IGSF21: variants seen among roughly 807,000 people sequenced by gnomAD.
The protein encoded by IGSF21 is immunoglobin superfamily member 21, also known as immunoglobulin superfamily member 21.
A neutral mutation model predicts 46.8 loss-of-function variants in IGSF21; 28 were observed. That is an observed-to-expected ratio of 0.60 (90% CI 0.44 to 0.82). The LOEUF (loss-of-function observed/expected upper bound fraction) is 0.82. Ranked by LOEUF, IGSF21 falls within the 40% of genes least tolerant of loss-of-function variation. The probability of loss-of-function intolerance (pLI) is 0.00; values close to 1 mark genes in which losing one functional copy is unlikely to be tolerated. For missense variants in IGSF21, 624 were observed against 665.5 expected, an observed-to-expected ratio of 0.94 and a Z score of 0.69; for synonymous variants, 284 against 273.6, an observed-to-expected ratio of 1.04 and a Z score of -0.38.
At chr1:18,291,368 C>T (rs549338508) in intron 2 of IGSF21, among the ~76,000 whole-genome samples, 4 of 152,326 alleles carry the variant, frequency 2.6e-5, no homozygotes, top group South Asian at 2.1e-4. Context: ...GGCCTCCTCC[C>T]GGGCTCCCTG....
At chr1:18,191,894 G>A (rs2086960995) in intron 1 of IGSF21, among the ~76,000 whole-genome samples, 1 of 152,172 alleles carries the variant, frequency 6.6e-6, no homozygotes, top group South Asian at 2.1e-4. Flanking sequence ...GATGGGTGGG[G>A]CAAGGGCAGA....
At chr1:18,239,891 C>G (rs74056556) in intron 2 of IGSF21, among the ~76,000 whole-genome samples, 2,531 of 152,294 alleles carry the variant, frequency 0.017, 66 homozygotes, top group African/African-American at 0.057. Context: ...CCATATGACT[C>G]AACACACTGG....
At chr1:18,201,163 G>A (rs754504641) in intron 1 of IGSF21, among the ~76,000 whole-genome samples, 2 of 152,148 alleles carry the variant, frequency 1.3e-5, no homozygotes, top group Non-Finnish European at 2.9e-5. Flanking sequence ...AGGAAGGAGC[G>A]CCCCTGAGCT....
chr1:18,175,868 A>G (rs1320439286), intron 1 of IGSF21, among the ~76,000 whole-genome samples: 1 of 152,216 alleles, frequency 6.6e-6, no homozygotes, highest in Non-Finnish European at 1.5e-5. Context: ...AAATAATTGT[A>G]CTAATATTAA....
intron 2 of IGSF21, among the ~76,000 whole-genome samples, chr1:18,260,918 G>A (rs1436481602): frequency 2.0e-5 from 3 of 152,202 alleles, no homozygotes; most frequent in Non-Finnish European, 4.4e-5. Context: ...GGAGGTGTTG[G>A]GGGCCACCTA....
chr1:18,359,967 G>A (rs2086082067), intron 4 of IGSF21, among the ~76,000 whole-genome samples: 1 of 152,130 alleles, frequency 6.6e-6, no homozygotes, highest in Admixed American at 6.5e-5. Context: ...TCCTCATACT[G>A]GCACCGTGAG....
At chr1:18,187,238 GAGAGAA>G (rs943327338) in intron 1 of IGSF21, among the ~76,000 whole-genome samples, 6 of 151,984 alleles carry the variant, frequency 3.9e-5, no homozygotes, top group African/African-American at 1.2e-4. Context: ...GAGAGAGAGA[GAGAGAA>G]AGAGCGAGTG....
intron 2 of IGSF21, among the ~76,000 whole-genome samples, chr1:18,237,073 A>T (rs979499664): frequency 3.9e-5 from 6 of 152,200 alleles, no homozygotes; most frequent in Non-Finnish European, 8.8e-5. Context: ...TCCTATTTGC[A>T]TGTCATTCAT....
At chr1:18,319,976 C>T (rs1261642495) in intron 3 of IGSF21, among the ~76,000 whole-genome samples, 2 of 152,222 alleles carry the variant, frequency 1.3e-5, no homozygotes, top group East Asian at 3.8e-4. Flanking sequence ...GTATCCCTAG[C>T]ACCTAGGATA....
At chr1:18,363,088 C>G (rs2086119633) in intron 5 of IGSF21, among the ~76,000 whole-genome samples, 1 of 152,200 alleles carries the variant, frequency 6.6e-6, no homozygotes, top group African/African-American at 2.4e-5. Flanking sequence ...GGCCAAGTCA[C>G]TCTCATTGCA....
intron 1 of IGSF21, among the ~76,000 whole-genome samples, chr1:18,162,297 C>T (rs1164229931): frequency 6.6e-6 from 1 of 152,234 alleles, no homozygotes; most frequent in Admixed American, 6.5e-5. Context: ...ATCTGCCTGC[C>T]TCTGCCTCCC....
At chr1:18,359,383 A>AAAGAAAGGAGGG (rs1557659626) in intron 4 of IGSF21, among the ~76,000 whole-genome samples, 1 of 61,030 alleles carries the variant, frequency 1.6e-5, no homozygotes, top group Admixed American at 1.9e-4. Flanking sequence ...AGAAAGAAAG[A>AAAGAAAGGAGGG]AAGGAAGGAA....
intron 4 of IGSF21, among the ~76,000 whole-genome samples, chr1:18,357,093 C>A (rs1293745961): frequency 1.5e-5 from 2 of 137,156 alleles, no homozygotes; most frequent in Non-Finnish European, 3.1e-5. Flanking sequence ...TGGAGATGGG[C>A]ATGGGGTAAA....
chr1:18,282,230 G>A (rs747831427), intron 2 of IGSF21, among the ~76,000 whole-genome samples: 3 of 152,100 alleles, frequency 2.0e-5, no homozygotes, highest in Non-Finnish European at 4.4e-5. Context: ...ACCTGATGAC[G>A]CTTGTTAAAA....
chr1:18,330,889 AC>A (rs1277425706), intron 3 of IGSF21, among the ~76,000 whole-genome samples: 1 of 152,164 alleles, frequency 6.6e-6, no homozygotes, highest in Non-Finnish European at 1.5e-5. Context: ...TTGACTTCCT[AC>A]ACTTCAGTGA....
Position 18,243,852 on chromosome 1 carries a change from C to G in IGSF21, c.183+15842C>G, listed in dbSNP as rs555196223. 3.3e-5 allele frequency among the ~76,000 whole-genome samples: 5 copies of G among 152,326 alleles called. No homozygotes were observed. The East Asian group carries it at 9.7e-4, about 29-fold the overall frequency. On this transcript the variant is annotated intron_variant, in intron 2 of 9. Coordinates refer to ENST00000251296, the MANE Select transcript of IGSF21 (RefSeq NM_032880.5). ...ATATGGACCAGCAGTGAAGATGCTGCTTTGCCAAGGTGCCTCTAGAGACAG... is the reference window on the plus strand; with the variant it reads ...ATATGGACCAGCAGTGAAGATGCTGGTTTGCCAAGGTGCCTCTAGAGACAG...
chr1:18,202,216 T>G (rs1411454296), intron 1 of IGSF21, among the ~76,000 whole-genome samples: 1 of 152,242 alleles, frequency 6.6e-6, no homozygotes, highest in African/African-American at 2.4e-5. Flanking sequence ...CATAAGCCTG[T>G]TATAGTCCTC....
rs1557540601 is a variant in IGSF21, at chr1:18,109,797, G to GA, written c.70+1600dup. 1 of 152,292 alleles carries GA rather than the reference G, an allele frequency of 6.6e-6. No individual in the cohort carries two copies. Among genetic ancestry groups the GA allele is most frequent in the African/African-American group, 2.4e-5 (1 of 41,442 alleles). The allele number at this position is 152,292 out of a possible 1,614,324, so 9.4% of individuals were successfully genotyped here. ...GGGAGGTCCTCGTTCCAGCGCCGCC[G>GA]AGAGGGCACTGGGGTTTGTTGAAAG... On this transcript the variant is annotated intron_variant, in intron 1 of 9. Transcript: ENST00000251296. The surrounding 1 kb of genome is among the most constrained non-coding windows in gnomAD (Gnocchi z 4.8).
At chr1:18,165,334 A>G (rs2086668282) in intron 1 of IGSF21, among the ~76,000 whole-genome samples, 1 of 152,112 alleles carries the variant, frequency 6.6e-6, no homozygotes, top group South Asian at 2.1e-4. Flanking sequence ...GCGGATGGTC[A>G]CCTTTTTGCG....
Sources: gnomAD v4.1 joint callset for allele counts (sites outside exome capture counted in the v4.1 genomes callset) on GRCh38, gnomAD v4.1.1 for gene constraint, Gnocchi (gnomAD v3.1) non-coding constraint, MANE v1.5 for transcripts, NCBI Gene and HGNC (gene_info 2026-07-23, HGNC 2026-07-21) for gene names.